The following EREG variants were observed in gnomAD, a reference collection of about 807,000 sequenced individuals.
The protein encoded by EREG is proepiregulin.
Under a neutral mutation model 22.4 loss-of-function variants are expected in EREG, and 23 were observed. The ratio of observed to expected loss-of-function variants is 1.03; its 90% CI spans 0.74 to 1.46. The LOEUF (loss-of-function observed/expected upper bound fraction) is 1.46, where lower values mean the gene tolerates loss of function less well. Among genes scored for constraint, EREG ranks in the 40% most tolerant of loss-of-function variants. The pLI is 0.00. For missense variants in EREG, 226 were observed against 205.9 expected, an observed-to-expected ratio of 1.10 and a Z score of -0.60; for synonymous variants, 100 against 75.4, an observed-to-expected ratio of 1.33 and a Z score of -1.69.
intron 1 of EREG, among the ~76,000 whole-genome samples, chr4:74,377,879 A>C (rs1243007376): frequency 2.0e-5 from 3 of 152,290 alleles, no homozygotes; most frequent in Middle Eastern, 6.8e-3. Flanking sequence ...CCTTGGACAC[A>C]TGGGGATTAC....
chr4:74,384,547 C>G (rs1029509962), intron 4 of EREG, among the ~76,000 whole-genome samples, 180 bp from the exon 5 acceptor site: 1 of 150,080 alleles, frequency 6.7e-6, no homozygotes, highest in Non-Finnish European at 1.5e-5. Context: ...TGTTTGACTA[C>G]AGCACATCAC....
chr4:74,369,369 G>A (rs1025600198), intron 1 of EREG, among the ~76,000 whole-genome samples: 1 of 151,668 alleles, frequency 6.6e-6, no homozygotes, highest in Non-Finnish European at 1.5e-5. Context: ...TGTACTCATA[G>A]TACATAGTAC....
rs1249272284 is a variant in EREG at position 74,386,774 on chromosome 4, A to G, written c.*1966A>G. The G allele has an allele frequency of 6.6e-6, 1 of 151,580 alleles. No homozygotes were observed. Among genetic ancestry groups the G allele is most frequent in the Non-Finnish European group, 1.5e-5 (1 of 68,002 alleles). The allele number at this position is 151,580 out of a possible 1,614,324, so 9.4% of individuals were successfully genotyped here. On this transcript the variant is annotated 3_prime_UTR_variant, in exon 5 of 5. Coordinates refer to ENST00000244869, the MANE Select transcript of EREG (RefSeq NM_001432.3). ...ATAATACAACAACAACAAAAAATACATTATAACAACTATTTACTTTTTTTT... is the reference window on the plus strand; with the variant it reads ...ATAATACAACAACAACAAAAAATACGTTATAACAACTATTTACTTTTTTTT...
Position 74,377,158 on chromosome 4 carries a change from GA to G in EREG, c.68-2273del, listed in dbSNP as rs57339854. Among the ~76,000 whole-genome samples the G allele has an allele frequency of 9.3e-3, 725 of 78,116 alleles. 3 individuals carry two copies. Among genetic ancestry groups the G allele is most frequent in the East Asian group, 0.015 (45 of 2,980 alleles). The allele number at this position is 78,116 out of a possible 152,430, so 51.2% of individuals were successfully genotyped here. A position where few individuals can be genotyped will look rare whatever the true frequency, so the allele number is the denominator to read the frequency against. On this transcript the variant is annotated intron_variant, in intron 1 of 4. Coordinates refer to ENST00000244869, the MANE Select transcript of EREG (RefSeq NM_001432.3). ...TTTATGGGCTGTGACAGCCATTTCA[GA>G]AAAAAAAAAAAAAAAACATTAGTTT...
chr4:74,384,989 G>A lies in EREG; in HGVS notation c.*181G>A, dbSNP rs968174550. The A allele has an allele frequency of 1.3e-5, 6 of 458,754 alleles. No homozygotes were observed. Among genetic ancestry groups the A allele is most frequent in the African/African-American group, 4.0e-5 (2 of 50,560 alleles). The allele number at this position is 458,754 out of a possible 1,614,324, so 28.4% of individuals were successfully genotyped here. A position where few individuals can be genotyped will look rare whatever the true frequency, so the allele number is the denominator to read the frequency against. On this transcript the variant is annotated 3_prime_UTR_variant, in exon 5 of 5. Transcript: ENST00000244869. ...GACAGACTATTTGCTAATGTATAAT[G>A]TGCAGAAAATATTTAATATCAAAAG...
In EREG at chr4:74,378,471, A is replaced by T. The variant is rs964348185; in HGVS notation, c.68-977A>T. The stretch of plus-strand genomic sequence containing the variant: ...CATTTCTTCAAACAAAATATGTCTA[A>T]TTTTTTTCAAATCTCAGTTCTGAAA... On this transcript the variant is annotated intron_variant, in intron 1 of 4. Transcript: ENST00000244869. Among the ~76,000 whole-genome samples the T allele has an allele frequency of 6.0e-4, 92 of 152,248 alleles. 1 individual carries two copies. Among genetic ancestry groups the T allele is most frequent in the African/African-American group, 2.1e-3 (89 of 41,530 alleles).
chr4:74,367,365 A>G (rs1356708897), intron 1 of EREG, among the ~76,000 whole-genome samples: 1 of 152,244 alleles, frequency 6.6e-6, no homozygotes, highest in African/African-American at 2.4e-5. Flanking sequence ...TAAGTAGAAG[A>G]GTTGAAATAC....
intron 1 of EREG, among the ~76,000 whole-genome samples, chr4:74,367,604 G>T (rs1752209034): frequency 6.6e-6 from 1 of 152,152 alleles, no homozygotes; most frequent in African/African-American, 2.4e-5. Flanking sequence ...CAATGAGAGA[G>T]AATTAAGCAG....
chr4:74,375,576 G>A (rs1427372594), intron 1 of EREG, among the ~76,000 whole-genome samples: 2 of 151,022 alleles, frequency 1.3e-5, no homozygotes, highest in South Asian at 4.2e-4. Flanking sequence ...TGATCCGCAC[G>A]CCTCGGCCTC....
intron 3 of EREG, 136 bp downstream of exon 3, chr4:74,381,273 G>A (rs1361442068): frequency 5.7e-6 from 4 of 703,140 alleles, no homozygotes; most frequent in South Asian, 5.7e-5. Flanking sequence ...CCCTCAAATA[G>A]TGTGCATGGA....
Position 74,387,546 on chromosome 4 carries a change from G to A in EREG, c.*2738G>A, listed in dbSNP as rs1373341635. 1 of 152,116 alleles carries A rather than the reference G, an allele frequency of 6.6e-6. No homozygotes were observed. The highest frequency in any genetic ancestry group is 2.4e-5 in the African/African-American group (1 of 41,414). 9.4% of individuals were successfully genotyped at this position (152,116 alleles called of 1,614,324 possible). A position where few individuals can be genotyped will look rare whatever the true frequency, so the allele number is the denominator to read the frequency against. On this transcript the variant is annotated 3_prime_UTR_variant, in exon 5 of 5. Transcript: ENST00000244869. ...TTGTAAATGCATATTAAATAATAAA[G>A]TATGACCCACATTACTTTTTATGGG...
chr4:74,365,441 A>C, intron 1 of EREG, 66 bp downstream of exon 1: 1 of 1,395,324 alleles, frequency 7.2e-7, no homozygotes. Context: ...GCTCCTGTGC[A>C]TTTGTCATTC....
In EREG at chr4:74,381,820, C is replaced by CAA. The variant is rs574111716; in HGVS notation, c.278+697_278+698dup. ...TGAAACCCCGTCTCTACTAAAAATACAAAAAAAAAAAAAAATTAGCCAGGG... is the reference window on the plus strand; with the variant it reads ...TGAAACCCCGTCTCTACTAAAAATACAAAAAAAAAAAAAAAAATTAGCCAGGG... On this transcript the variant is annotated intron_variant, in intron 3 of 4. Coordinates refer to ENST00000244869, the MANE Select transcript of EREG (RefSeq NM_001432.3). 6.6e-5 allele frequency: 9 copies of CAA among 135,718 alleles called. No homozygotes were observed. In the East Asian group the frequency reaches 1.1e-3, roughly 16 times the overall value. 8.4% of individuals were successfully genotyped at this position (135,718 alleles called of 1,614,324 possible). A position where few individuals can be genotyped will look rare whatever the true frequency, so the allele number is the denominator to read the frequency against.
intron 1 of EREG, among the ~76,000 whole-genome samples, chr4:74,371,539 G>T (rs1473928823): frequency 6.6e-6 from 1 of 151,694 alleles, no homozygotes; most frequent in African/African-American, 2.4e-5. Flanking sequence ...TGCCACTTCT[G>T]TCTGCTCTCT....
At chr4:74,381,260 T>C in intron 3 of EREG, 123 bp downstream of exon 3, 1 of 795,292 alleles carries the variant, frequency 1.3e-6, no homozygotes, top group Non-Finnish European at 2.0e-6. Flanking sequence ...TTAGAGTACC[T>C]ACCCCTCAAA....
chr4:74,383,674 GT>G (rs1437337283), intron 4 of EREG, among the ~76,000 whole-genome samples: 1 of 152,070 alleles, frequency 6.6e-6, no homozygotes, highest in African/African-American at 2.4e-5. Context: ...GTGAATTTAC[GT>G]TTTTATTTTT....
chr4:74,374,442 A>G lies in EREG; in HGVS notation c.68-5006A>G, dbSNP rs1404735116. Among the ~76,000 whole-genome samples the G allele has an allele frequency of 3.3e-5, 5 of 152,232 alleles. No individual in the cohort carries two copies. The East Asian group carries it at 9.7e-4, about 29-fold the overall frequency. ...AATCCTAGCATTTTTGGAGGCCAAC[A>G]TGGGAGGATCATTGAGCCCAGGGAT... On this transcript the variant is annotated intron_variant, in intron 1 of 4. Coordinates refer to ENST00000244869, the MANE Select transcript of EREG (RefSeq NM_001432.3).
chr4:74,368,922 A>G (rs1425575862), intron 1 of EREG, among the ~76,000 whole-genome samples: 1 of 152,196 alleles, frequency 6.6e-6, no homozygotes, highest in African/African-American at 2.4e-5. Context: ...GAAAAAATGA[A>G]GTAATGCCAC....
In EREG at chr4:74,377,891, G is replaced by T. The variant is rs200639542; in HGVS notation, c.68-1557G>T. Reference sequence around the variant, plus strand: ...CCTCCTTGGACACATGGGGATTACGGGTCCCTCTCTCAATACATGGGGATT... The same window carrying T: ...CCTCCTTGGACACATGGGGATTACGTGTCCCTCTCTCAATACATGGGGATT... On this transcript the variant is annotated intron_variant, in intron 1 of 4. Transcript: ENST00000244869. Among the ~76,000 whole-genome samples, 8 of 152,266 alleles carry T rather than the reference G, an allele frequency of 5.3e-5. No homozygotes were observed. In the East Asian group the frequency reaches 1.5e-3, roughly 29 times the overall value.
Sources: gnomAD v4.1 joint callset for allele counts (sites outside exome capture counted in the v4.1 genomes callset) on GRCh38, gnomAD v4.1.1 for gene constraint, MANE v1.5 for transcripts, NCBI Gene and HGNC (gene_info 2026-07-23, HGNC 2026-07-21) for gene names.